PEX5L: variants seen among roughly 807,000 people sequenced by gnomAD.
PEX5L encodes PEX5-related protein.
A neutral mutation model predicts 84.0 loss-of-function variants in PEX5L; 30 were observed. That is an observed-to-expected ratio of 0.36 (90% CI 0.27 to 0.48). PEX5L has a LOEUF of 0.48. Ranked by LOEUF, PEX5L falls within the 20% of genes least tolerant of loss-of-function variation. PEX5L has a pLI of 0.99. For synonymous variants in PEX5L, 270 were observed against 283.1 expected (o/e 0.95, Z 0.46); for missense variants, 533 against 754.6 (o/e 0.71, Z 3.44).
At chr3:179,948,376 G>GTATCT (rs1056504476) in intron 2 of PEX5L, among the ~76,000 whole-genome samples, 2 of 152,152 alleles carry the variant, frequency 1.3e-5, no homozygotes, top group African/African-American at 4.8e-5. Context: ...TTTATCTAAA[G>GTATCT]TATCTTCCAA....
At position 179,909,981 on chromosome 3, in the gene PEX5L, G is replaced by A. The variant is rs1174215431; in HGVS notation, c.94-11735C>T. Among the ~76,000 whole-genome samples the A allele has an allele frequency of 3.9e-5, 6 of 152,310 alleles. No homozygotes were observed. In the South Asian group the frequency reaches 6.2e-4, roughly 16 times the overall value. ...CAATCTGTGGTACTTTGTCATGGAA[G>A]CCCTAGTAAACTAAACAGTAATAGA... is the stretch of plus-strand genomic sequence containing the variant. On this transcript the variant is annotated intron_variant, in intron 2 of 14. Transcript: ENST00000467460.
At chr3:179,925,612 C>T (rs1376065102) in intron 2 of PEX5L, among the ~76,000 whole-genome samples, 1 of 152,086 alleles carries the variant, frequency 6.6e-6, no homozygotes, top group Non-Finnish European at 1.5e-5. Flanking sequence ...TAGATTATTT[C>T]CTATTTTGAC....
At position 179,847,142 on chromosome 3, in the gene PEX5L, G is replaced by A. The variant is rs139186173; in HGVS notation, c.822+11920C>T. On this transcript the variant is annotated intron_variant, in intron 8 of 14. Coordinates refer to ENST00000467460, the MANE Select transcript of PEX5L (RefSeq NM_016559.3). ...CACCCAACCAATAGGAGATATGTCTGTATATATTGATATATCTCCTATTGG... is the reference window on the plus strand; with the variant it reads ...CACCCAACCAATAGGAGATATGTCTATATATATTGATATATCTCCTATTGG... Among the ~76,000 whole-genome samples the A allele has an allele frequency of 5.8e-4, 87 of 150,978 alleles. 1 individual carries two copies. The highest frequency in any genetic ancestry group is 2.0e-3 in the African/African-American group (81 of 41,024).
intron 2 of PEX5L, among the ~76,000 whole-genome samples, chr3:179,910,908 T>C (rs1027629458): frequency 1.3e-5 from 2 of 152,218 alleles, no homozygotes; most frequent in Non-Finnish European, 2.9e-5. Context: ...AGAACACCTC[T>C]TATAAATGTC....
chr3:180,036,313 T>C (rs1791903525), intron 1 of PEX5L, among the ~76,000 whole-genome samples: 1 of 152,168 alleles, frequency 6.6e-6, no homozygotes, highest in Non-Finnish European at 1.5e-5. Context: ...TTCGATTCCT[T>C]GATCCTGTTT....
At chr3:179,825,643 T>C (rs1730194501) in intron 8 of PEX5L, among the ~76,000 whole-genome samples, 1 of 151,806 alleles carries the variant, frequency 6.6e-6, no homozygotes. Flanking sequence ...AAATGAACAG[T>C]GTATGGAGGA....
At chr3:180,008,282 C>T (rs1473006704) in intron 1 of PEX5L, among the ~76,000 whole-genome samples, 3 of 152,184 alleles carry the variant, frequency 2.0e-5, no homozygotes, top group African/African-American at 7.2e-5. Context: ...ATCTTTACTC[C>T]AGTTCCCAAC....
At chr3:179,945,215 C>T (rs557031843) in intron 2 of PEX5L, among the ~76,000 whole-genome samples, 19 of 152,174 alleles carry the variant, frequency 1.2e-4, no homozygotes, top group Non-Finnish European at 2.2e-4. Context: ...TCTCAGCTTG[C>T]TCCTTTTTAG....
intron 2 of PEX5L, among the ~76,000 whole-genome samples, chr3:179,945,658 A>G (rs1163624189): frequency 2.0e-5 from 3 of 152,124 alleles, no homozygotes; most frequent in Non-Finnish European, 2.9e-5. Flanking sequence ...ATTTAACAGA[A>G]TTGTACCTTC....
At chr3:179,895,051 T>C (rs1009762276) in intron 3 of PEX5L, among the ~76,000 whole-genome samples, 3 of 152,138 alleles carry the variant, frequency 2.0e-5, no homozygotes, top group Non-Finnish European at 4.4e-5. Flanking sequence ...CCCTTTAGAA[T>C]AGAATATTCT....
At chr3:179,986,526 C>T (rs1786852038) in intron 1 of PEX5L, among the ~76,000 whole-genome samples, 1 of 151,756 alleles carries the variant, frequency 6.6e-6, no homozygotes, top group African/African-American at 2.4e-5. Context: ...CCTCAGCCTC[C>T]CGAGTAGCTG....
At chr3:179,992,921 T>A (rs1460459969) in intron 1 of PEX5L, among the ~76,000 whole-genome samples, 1 of 152,108 alleles carries the variant, frequency 6.6e-6, no homozygotes, top group Non-Finnish European at 1.5e-5. Flanking sequence ...TATGTATGTA[T>A]TTTTCCTTGC....
In PEX5L at chr3:179,989,404, TCATGA is replaced by T. The variant is rs531924696; in HGVS notation, c.22-17744_22-17740del. Among the ~76,000 whole-genome samples, 8 of 152,324 alleles carry T rather than the reference TCATGA, an allele frequency of 5.3e-5. No homozygotes were observed. In the East Asian group the frequency reaches 1.5e-3, roughly 29 times the overall value. ...ATTCAACCTTCTACTTAAAAACCTC[TCATGA>T]CATATGTGATAGATATGGGATTTCC... is the stretch of plus-strand genomic sequence containing the variant. On this transcript the variant is annotated intron_variant, in intron 1 of 14. Coordinates refer to ENST00000467460, the MANE Select transcript of PEX5L (RefSeq NM_016559.3).
At chr3:180,004,642 C>G (rs757614419) in intron 1 of PEX5L, among the ~76,000 whole-genome samples, 31 of 152,034 alleles carry the variant, frequency 2.0e-4, no homozygotes, top group Non-Finnish European at 4.1e-4. Context: ...CTATATAAAT[C>G]AGAGCTACCC....
chr3:179,833,816 C>T (rs1733994916), intron 8 of PEX5L, among the ~76,000 whole-genome samples: 1 of 152,122 alleles, frequency 6.6e-6, no homozygotes, highest in Admixed American at 6.5e-5. Context: ...CTCTCACACA[C>T]ACACACGGTT....
chr3:180,011,807 A>T (rs960557365), intron 1 of PEX5L, among the ~76,000 whole-genome samples: 7 of 152,198 alleles, frequency 4.6e-5, no homozygotes, highest in Admixed American at 2.0e-4. Context: ...AGAAAGGACA[A>T]CAGACCACAT....
At chr3:180,012,846 C>G (rs1300875213) in intron 1 of PEX5L, among the ~76,000 whole-genome samples, 8 of 151,870 alleles carry the variant, frequency 5.3e-5, no homozygotes, top group Non-Finnish European at 1.0e-4. Flanking sequence ...TTTATATGAT[C>G]AAACTATTCT....
chr3:179,855,300 C>T (rs1208388484), intron 8 of PEX5L, among the ~76,000 whole-genome samples: 1 of 152,170 alleles, frequency 6.6e-6, no homozygotes, highest in Non-Finnish European at 1.5e-5. Context: ...ATTCAACTTG[C>T]TCCAGGCATG....
intron 2 of PEX5L, among the ~76,000 whole-genome samples, chr3:179,948,698 C>G (rs1018697872): frequency 2.6e-5 from 4 of 152,162 alleles, no homozygotes; most frequent in African/African-American, 9.7e-5. Context: ...TACCCAATCC[C>G]CAATCCCCAC....
Sources: gnomAD v4.1 joint callset for allele counts (sites outside exome capture counted in the v4.1 genomes callset) on GRCh38, gnomAD v4.1.1 for gene constraint, MANE v1.5 for transcripts, NCBI Gene and HGNC (gene_info 2026-07-23, HGNC 2026-07-21) for gene names.